The following PPARGC1B variants were observed in gnomAD, a reference collection of about 807,000 sequenced individuals.
PPARGC1B encodes the protein PPARG coactivator 1 beta.
PPARGC1B carries 34 observed loss-of-function variants against 101.6 expected under a neutral mutation model. That is an observed-to-expected ratio of 0.33 (90% CI 0.25 to 0.45). PPARGC1B has a LOEUF of 0.45. Among genes scored for constraint, PPARGC1B ranks in the 20% least tolerant of loss-of-function variants. PPARGC1B has a pLI of 1.00. For synonymous variants in PPARGC1B, 548 were observed against 539.3 expected, an observed-to-expected ratio of 1.02 and a Z score of -0.22; for missense variants, 1,234 against 1,317.6, an observed-to-expected ratio of 0.94 and a Z score of 0.98.
At chr5:149,759,194 G>A (rs1755633506) in intron 1 of PPARGC1B, among the ~76,000 whole-genome samples, 1 of 152,132 alleles carries the variant, frequency 6.6e-6, no homozygotes. Flanking sequence ...AAGGTTTAAA[G>A]AAGGTTTTTT....
rs1409460220 is a variant in PPARGC1B, at chr5:149,854,192, G to A, written c.*6634G>A. The A allele has an allele frequency of 6.6e-6, 1 of 152,154 alleles. No individual in the cohort carries two copies. Among genetic ancestry groups the A allele is most frequent in the African/African-American group, 2.4e-5 (1 of 41,412 alleles). The allele number at this position is 152,154 out of a possible 1,614,324, so 9.4% of individuals were successfully genotyped here. Reference sequence around the variant, plus strand: ...AGGGCTTTCCCTGACTCTGCGACAGGGTCAAACCAAGGAATGGCTAAACCT... The same window carrying A: ...AGGGCTTTCCCTGACTCTGCGACAGAGTCAAACCAAGGAATGGCTAAACCT... On this transcript the variant is annotated 3_prime_UTR_variant, in exon 12 of 12. Coordinates refer to ENST00000309241, the MANE Select transcript of PPARGC1B (RefSeq NM_133263.4).
chr5:149,772,576 A>G (rs1004717683), intron 1 of PPARGC1B, among the ~76,000 whole-genome samples: 4 of 152,116 alleles, frequency 2.6e-5, no homozygotes, highest in African/African-American at 7.2e-5. Context: ...TGGCTTGTAG[A>G]TGGGCATCTT....
chr5:149,834,617 A>G, intron 5 of PPARGC1B, 57 bp from the exon 6 acceptor site: 1 of 1,545,558 alleles, frequency 6.5e-7, no homozygotes, highest in Non-Finnish European at 8.9e-7. Context: ...CCAGAGGGGA[A>G]ACATCTGCTA....
intron 1 of PPARGC1B, among the ~76,000 whole-genome samples, chr5:149,760,430 G>T (rs1446206950): frequency 6.6e-6 from 1 of 152,190 alleles, no homozygotes; most frequent in Non-Finnish European, 1.5e-5. Flanking sequence ...GTGACCTTGG[G>T]CACATGGCTT....
In PPARGC1B at chr5:149,826,883, C is replaced by G. The variant is rs1481440553; in HGVS notation, c.463C>G (p.Leu155Val). Residue 155 changes from leucine (L) to valine (V), a missense_variant and splice_region_variant, in exon 3 of 12, where the codon CTG becomes GTG. By Grantham distance (32) the Leu-to-Val change is conservative. Coordinates refer to ENST00000309241, the MANE Select transcript of PPARGC1B (RefSeq NM_133263.4). ...AGCCCCTGAGGTGGACGAGCTCTCA[C>G]TGGTAAGAACCTACTTACAGCAGAA... ...APAPEVDELS[L>V]LQKLLLATSY... 6 of 1,606,030 alleles carry G rather than the reference C, an allele frequency of 3.7e-6. No homozygotes were observed. Among genetic ancestry groups the G allele is most frequent in the Non-Finnish European group, 5.1e-6 (6 of 1,174,820 alleles).
intron 8 of PPARGC1B, 50 bp from the exon 9 acceptor site, chr5:149,839,991 C>A (rs753834669): frequency 6.3e-7 from 1 of 1,582,110 alleles, no homozygotes; most frequent in East Asian, 2.2e-5. Flanking sequence ...CCCCCACCCC[C>A]ATGGTATCTC....
At chr5:149,765,685 C>T (rs996990247) in intron 1 of PPARGC1B, among the ~76,000 whole-genome samples, 7 of 151,980 alleles carry the variant, frequency 4.6e-5, no homozygotes, top group Non-Finnish European at 8.8e-5. Context: ...GGGGAAACTC[C>T]GTGTGTACTA....
At chr5:149,740,442 C>T (rs972863814) in intron 1 of PPARGC1B, among the ~76,000 whole-genome samples, 12 of 152,120 alleles carry the variant, frequency 7.9e-5, no homozygotes, top group Non-Finnish European at 1.3e-4. Flanking sequence ...TTGATCTAGT[C>T]GAGGCCCTGA....
chr5:149,772,983 G>A (rs1756200830), intron 1 of PPARGC1B, among the ~76,000 whole-genome samples: 1 of 152,214 alleles, frequency 6.6e-6, no homozygotes, highest in Non-Finnish European at 1.5e-5. Flanking sequence ...GGCGCTGGCT[G>A]TGGTGGCGTT....
intron 1 of PPARGC1B, among the ~76,000 whole-genome samples, chr5:149,757,511 C>T (rs1182336029): frequency 6.6e-6 from 1 of 152,164 alleles, no homozygotes; most frequent in Admixed American, 6.5e-5. Context: ...TACAAGGCCT[C>T]GATAAGTGGC....
At position 149,836,519 on chromosome 5, in the gene PPARGC1B, C is replaced by G; in HGVS notation, c.2064C>G (p.Ser688=). 2 of 1,614,080 alleles carry G rather than the reference C, an allele frequency of 1.2e-6. No individual in the cohort carries two copies. Among genetic ancestry groups the G allele is most frequent in the South Asian group, 2.2e-5 (2 of 91,084 alleles). The change falls in exon 8 of 12, where the codon TCC becomes TCG. Residue 688 remains serine (S), a synonymous_variant. Transcript: ENST00000309241. ...QAGQKRPFSC[S]FGDHDYCQVL... ...GCCAGAAGCGTCCCTTCTCCTGTTCCTTTGGAGACCATGACTACTGCCAGG... is the reference window on the plus strand; with the variant it reads ...GCCAGAAGCGTCCCTTCTCCTGTTCGTTTGGAGACCATGACTACTGCCAGG...
At chr5:149,732,213 C>G (rs1273838968) in intron 1 of PPARGC1B, among the ~76,000 whole-genome samples, 1 of 152,208 alleles carries the variant, frequency 6.6e-6, no homozygotes, top group African/African-American at 2.4e-5. Flanking sequence ...CTCAGTACCC[C>G]CAGAGCCGAC....
At chr5:149,753,712 G>A (rs761914490) in intron 1 of PPARGC1B, among the ~76,000 whole-genome samples, 2 of 151,924 alleles carry the variant, frequency 1.3e-5, no homozygotes, top group Non-Finnish European at 2.9e-5. Flanking sequence ...GATTTTTTCT[G>A]AGACGGAGTC....
intron 3 of PPARGC1B, 139 bp from the exon 4 acceptor site, chr5:149,830,628 C>T: frequency 2.9e-6 from 2 of 685,902 alleles, no homozygotes; most frequent in Non-Finnish European, 5.3e-6. Context: ...GATCATCATC[C>T]CAGGTCATGG....
chr5:149,735,532 G>A (rs1418333836), intron 1 of PPARGC1B, among the ~76,000 whole-genome samples: 2 of 152,188 alleles, frequency 1.3e-5, no homozygotes, highest in Non-Finnish European at 2.9e-5. Context: ...CGTTTACTGA[G>A]TATCCCCTAT....
intron 1 of PPARGC1B, among the ~76,000 whole-genome samples, chr5:149,774,884 C>G (rs13157064): frequency 0.23 from 35,640 of 151,978 alleles, 4,678 homozygotes; most frequent in Middle Eastern, 0.39. Context: ...AGCATTTTGT[C>G]TAGTGGTTGG....
At chr5:149,754,789 T>A (rs1487444826) in intron 1 of PPARGC1B, among the ~76,000 whole-genome samples, 1 of 144,420 alleles carries the variant, frequency 6.9e-6, no homozygotes. Context: ...TTTTTTTTTT[T>A]TTTTTTTTTT....
chr5:149,736,115 C>G (rs1207029360), intron 1 of PPARGC1B, among the ~76,000 whole-genome samples: 2 of 152,086 alleles, frequency 1.3e-5, no homozygotes, highest in Non-Finnish European at 2.9e-5. Flanking sequence ...GCACTCCAGC[C>G]TAGGCAACAG....
intron 1 of PPARGC1B, among the ~76,000 whole-genome samples, chr5:149,806,514 G>A (rs4705094): frequency 0.85 from 129,992 of 152,126 alleles, 55,635 homozygotes; most frequent in Middle Eastern, 0.93. Flanking sequence ...CAGGAGATGC[G>A]GAAATAGAAC....
Sources: allele counts gnomAD v4.1 joint callset (sites outside exome capture counted in the v4.1 genomes callset), GRCh38; gene constraint gnomAD v4.1.1; transcripts MANE v1.5; gene names NCBI Gene and HGNC (gene_info 2026-07-23, HGNC 2026-07-21).